Variants in REV1 observed in about 807,000 individuals in gnomAD.
The protein encoded by REV1 is translesion synthesis protein REV1.
REV1 carries 42 observed loss-of-function variants against 137.4 expected under a neutral mutation model. The ratio of observed to expected loss-of-function variants is 0.31; its 90% CI spans 0.24 to 0.40. The LOEUF (loss-of-function observed/expected upper bound fraction) is 0.40, where lower values mean the gene tolerates loss of function less well. Among genes scored for constraint, REV1 ranks in the 10% least tolerant of loss-of-function variants. REV1 has a pLI of 1.00. For synonymous variants in REV1, 524 were observed against 519.2 expected (o/e 1.01, Z -0.12); for missense variants, 1,282 against 1,490.1 (o/e 0.86, Z 2.30).
At chr2:99,486,432 G>A (rs935952591) in intron 1 of REV1, among the ~76,000 whole-genome samples, 1 of 152,154 alleles carries the variant, frequency 6.6e-6, no homozygotes, top group African/African-American at 2.4e-5. Flanking sequence ...GGGAGGCTGA[G>A]GCAGGAGAAT....
chr2:99,483,084 C>T, intron 1 of REV1, among the ~76,000 whole-genome samples: 1 of 144,696 alleles, frequency 6.9e-6, no homozygotes, highest in Non-Finnish European at 1.5e-5. Flanking sequence ...ATTGTTAAAA[C>T]ATTTGTAAAG....
At chr2:99,482,805 T>C (rs1686757720) in intron 1 of REV1, among the ~76,000 whole-genome samples, 1 of 151,976 alleles carries the variant, frequency 6.6e-6, no homozygotes, top group South Asian at 2.1e-4. Context: ...TCACCTGAGG[T>C]CAGGAGTTCG....
At position 99,463,475 on chromosome 2, in the gene REV1, G is replaced by A. The variant is rs145115153; in HGVS notation, c.55-853C>T. ...TGGAGGTTGCAAACGAGCTGAGATCGTGCTATTGCACCCCAGCCTGGACAA... is the reference window on the plus strand; with the variant it reads ...TGGAGGTTGCAAACGAGCTGAGATCATGCTATTGCACCCCAGCCTGGACAA... On this transcript the variant is annotated intron_variant, in intron 2 of 22. Coordinates refer to ENST00000258428, the MANE Select transcript of REV1 (RefSeq NM_016316.4). Among the ~76,000 whole-genome samples, 628 of 152,254 alleles carry A rather than the reference G, an allele frequency of 4.1e-3. 6 individuals carry two copies. The highest frequency in any genetic ancestry group is 0.014 in the African/African-American group (597 of 41,542).
chr2:99,482,199 GA>G (rs1289725574), intron 1 of REV1, among the ~76,000 whole-genome samples: 1 of 152,234 alleles, frequency 6.6e-6, no homozygotes, highest in Non-Finnish European at 1.5e-5. Context: ...AGATGCTGTA[GA>G]GTAAGTGAGG....
At position 99,442,252 on chromosome 2, in the gene REV1, C is replaced by CAAAAAAAAAAAAAAAAAAAAAAAA. The variant is rs3070575; in HGVS notation, c.503+41_503+64dup. 4 of 536,852 alleles carry CAAAAAAAAAAAAAAAAAAAAAAAA rather than the reference C, an allele frequency of 7.5e-6. No individual in the cohort carries two copies. In the African/African-American group the frequency reaches 1.4e-4, roughly 18 times the overall value. The allele number at this position is 536,852 out of a possible 1,614,324, so 33.3% of individuals were successfully genotyped here. A position where few individuals can be genotyped will look rare whatever the true frequency, so the allele number is the denominator to read the frequency against. ...CGGCAACAAGAGCAAAACTCCATCT[C>CAAAAAAAAAAAAAAAAAAAAAAAA]AAAAAAAAAAAAAAAAAAAAAAAAC... On this transcript the variant is annotated intron_variant, in intron 5 of 22. Coordinates refer to ENST00000258428, the MANE Select transcript of REV1 (RefSeq NM_016316.4).
chr2:99,417,438 C>A (rs1320208208), intron 12 of REV1, among the ~76,000 whole-genome samples: 1 of 152,130 alleles, frequency 6.6e-6, no homozygotes, highest in African/African-American at 2.4e-5. Context: ...GTCACCATGC[C>A]CGGCCACAGT....
In REV1 at chr2:99,406,396, C is replaced by A; in HGVS notation, c.2543G>T (p.Gly848Val). The change falls in exon 16 of 23, where the codon GGG (glycine) becomes GTG (valine). Residue 848 changes from glycine (G) to valine (V), a missense_variant. Coordinates refer to ENST00000258428, the MANE Select transcript of REV1 (RefSeq NM_016316.4). ...PSVQSSHFPS[G>V]SYSVRDVFQV... ...GAAGACATCACGGACAGAGTATGAC[C>A]CACTAGGAAAGTGGCTTGACTGAAC... is the stretch of plus-strand genomic sequence containing the variant. 1 of 1,613,666 alleles carries A rather than the reference C, an allele frequency of 6.2e-7. No individual in the cohort carries two copies. The highest frequency in any genetic ancestry group is 8.5e-7 in the Non-Finnish European group (1 of 1,179,750).
chr2:99,466,811 G>A (rs974034918), intron 1 of REV1, among the ~76,000 whole-genome samples: 12 of 152,120 alleles, frequency 7.9e-5, no homozygotes, highest in African/African-American at 2.4e-4. Context: ...AAGGCAGGAG[G>A]AGCATGAATA....
At chr2:99,408,308 A>G in intron 14 of REV1, 177 bp from the exon 15 acceptor site, 1 of 389,940 alleles carries the variant, frequency 2.6e-6, no homozygotes. Context: ...AATTAGTTAC[A>G]CTGGCAACCA....
chr2:99,401,443 C>CAAAAA (rs528664310), intron 22 of REV1, 91 bp from the exon 23 acceptor site: 17 of 568,850 alleles, frequency 3.0e-5, no homozygotes, highest in African/African-American at 6.3e-5. Context: ...TTGACTTTGG[C>CAAAAA]AAAAAAAAAA....
intron 2 of REV1, 57 bp from the exon 3 acceptor site, chr2:99,462,679 T>C (rs937929483): frequency 3.7e-5 from 58 of 1,559,434 alleles, no homozygotes; most frequent in Admixed American, 1.1e-4. Flanking sequence ...CCCCCCTTTT[T>C]TGAAAAAAAA....
chr2:99,400,990 G>A lies in REV1; in HGVS notation c.*251C>T, dbSNP rs961557189. The stretch of plus-strand genomic sequence containing the variant: ...ATTAAACAACTGTAAACACTTCACT[G>A]TAAAAATCCATAAAACTTTATAAAC... On this transcript the variant is annotated 3_prime_UTR_variant, in exon 23 of 23. Coordinates refer to ENST00000258428, the MANE Select transcript of REV1 (RefSeq NM_016316.4). 1 of 275,266 alleles carries A rather than the reference G, an allele frequency of 3.6e-6. No homozygotes were observed. Among genetic ancestry groups the A allele is most frequent in the South Asian group, 6.5e-5 (1 of 15,276 alleles). The allele number at this position is 275,266 out of a possible 1,614,324, so 17.1% of individuals were successfully genotyped here. A position where few individuals can be genotyped will look rare whatever the true frequency, so the allele number is the denominator to read the frequency against.
chr2:99,428,030 C>A (rs1679607264), intron 9 of REV1, among the ~76,000 whole-genome samples: 1 of 152,122 alleles, frequency 6.6e-6, no homozygotes, highest in African/African-American at 2.4e-5. Context: ...GAGTCCAAAG[C>A]CACCAGAGCT....
At chr2:99,485,996 A>T (rs2104317056) in intron 1 of REV1, among the ~76,000 whole-genome samples, 1 of 152,284 alleles carries the variant, frequency 6.6e-6, no homozygotes, top group African/African-American at 2.4e-5. Flanking sequence ...ATGGTGGCAC[A>T]TGCCTGTAGT....
intron 8 of REV1, among the ~76,000 whole-genome samples, 195 bp downstream of exon 8, chr2:99,434,132 TAAAAC>T (rs1231470570): frequency 6.6e-6 from 1 of 152,218 alleles, no homozygotes; most frequent in Non-Finnish European, 1.5e-5. Context: ...TCATATCTTG[TAAAAC>T]ATTCTTCACT....
At chr2:99,471,783 T>C (rs1220397344) in intron 1 of REV1, among the ~76,000 whole-genome samples, 4 of 147,060 alleles carry the variant, frequency 2.7e-5, no homozygotes, top group African/African-American at 7.6e-5. Flanking sequence ...GATAGACAAA[T>C]GGCCAATAAG....
chr2:99,417,085 C>G (rs763928225), intron 12 of REV1, among the ~76,000 whole-genome samples: 70 of 152,046 alleles, frequency 4.6e-4, no homozygotes, highest in African/African-American at 1.7e-3. Context: ...CTGTGTCTTC[C>G]CCAAATTTAT....
intron 3 of REV1, chr2:99,451,441 G>T (rs1288578969): frequency 8.4e-6 from 11 of 1,303,788 alleles, no homozygotes; most frequent in Non-Finnish European, 1.0e-5. Context: ...AGGGCTCTTT[G>T]AAGTTCACTT....
intron 10 of REV1, among the ~76,000 whole-genome samples, chr2:99,422,399 G>C (rs1678802724): frequency 6.6e-6 from 1 of 152,114 alleles, no homozygotes; most frequent in South Asian, 2.1e-4. Context: ...TTCCCAAGAG[G>C]CCTCAGGATC....
Sources: allele counts gnomAD v4.1 joint callset (sites outside exome capture counted in the v4.1 genomes callset), GRCh38; gene constraint gnomAD v4.1.1; transcripts MANE v1.5; gene names NCBI Gene and HGNC (gene_info 2026-07-23, HGNC 2026-07-21).